Variants in MGA observed in about 807,000 individuals in gnomAD.
The protein encoded by MGA is MAX dimerization protein MGA.
Under a neutral mutation model 261.1 loss-of-function variants are expected in MGA, and 40 were observed. The observed-to-expected ratio is 0.15, with a 90% CI of 0.12 to 0.20. The LOEUF (loss-of-function observed/expected upper bound fraction) is 0.20. MGA is among the 10% of genes least tolerant of loss of function. The pLI, the probability that MGA is intolerant of heterozygous loss-of-function variation, is 1.00. For synonymous variants in MGA, 1,302 were observed against 1,290.6 expected, an observed-to-expected ratio of 1.01 and a Z score of -0.19; for missense variants, 3,397 against 3,630.5, an observed-to-expected ratio of 0.94 and a Z score of 1.65.
chr15:41,625,692 C>T (rs921834931), intron 1 of MGA, among the ~76,000 whole-genome samples: 12 of 151,408 alleles, frequency 7.9e-5, no homozygotes, highest in African/African-American at 2.7e-4. Context: ...CCAGCCTGGG[C>T]GACAGAGTGT....
chr15:41,621,909 C>T (rs886771744), intron 1 of MGA, among the ~76,000 whole-genome samples: 1 of 152,126 alleles, frequency 6.6e-6, no homozygotes, highest in Non-Finnish European at 1.5e-5. Flanking sequence ...CGTCCTGCTC[C>T]GCGGTGAGCA....
At chr15:41,622,216 C>G (rs558385605) in intron 1 of MGA, among the ~76,000 whole-genome samples, 2 of 152,142 alleles carry the variant, frequency 1.3e-5, no homozygotes, top group Non-Finnish European at 2.9e-5. Context: ...ATTCGGAGGC[C>G]TGGGGTCCAG....
intron 1 of MGA, among the ~76,000 whole-genome samples, chr15:41,667,492 C>A (rs1053002423): frequency 9.9e-5 from 15 of 151,986 alleles, no homozygotes; most frequent in African/African-American, 3.1e-4. Flanking sequence ...GTGATCTGAC[C>A]TCCTTGGCCT....
At chr15:41,760,266 G>A (rs2063377919) in intron 19 of MGA, 57 bp from the exon 20 acceptor site, 1 of 1,546,464 alleles carries the variant, frequency 6.5e-7, no homozygotes, top group African/African-American at 1.4e-5. Flanking sequence ...ATTTGAAACA[G>A]AGTAAGAGGG....
intron 1 of MGA, among the ~76,000 whole-genome samples, chr15:41,668,510 A>T (rs2057884823): frequency 6.6e-6 from 1 of 152,036 alleles, no homozygotes; most frequent in African/African-American, 2.4e-5. Context: ...TAACTTTTTA[A>T]TTTTGTATAC....
At chr15:41,633,465 C>G (rs1404283626) in intron 1 of MGA, among the ~76,000 whole-genome samples, 1 of 151,508 alleles carries the variant, frequency 6.6e-6, no homozygotes, top group Non-Finnish European at 1.5e-5. Flanking sequence ...GTGATCCTCC[C>G]ACCTCTGCCT....
chr15:41,762,465 T>TGG, intron 22 of MGA, 103 bp downstream of exon 22: 1 of 286,756 alleles, frequency 3.5e-6, no homozygotes, highest in Non-Finnish European at 5.7e-6. Flanking sequence ...TGTGTGGTTT[T>TGG]TTTTTTTTTT....
rs370063387 is a variant in MGA, at chr15:41,729,274, C to T, written c.3768C>T (p.Ser1256=). The T allele has an allele frequency of 1.9e-6, 3 of 1,613,646 alleles. No homozygotes were observed. Among genetic ancestry groups the T allele is most frequent in the African/African-American group, 1.3e-5 (1 of 74,884 alleles). The change falls in exon 11 of 24, where the codon TCC becomes TCT. Residue 1256 remains serine, a synonymous_variant. Coordinates refer to ENST00000219905, the MANE Select transcript of MGA (RefSeq NM_001164273.2). ...AAGAGGACCAGAGACAACCATCTTC[C>T]TCCTCCTCCCCATCTCCATCATTTC...
rs535417050 is a variant in MGA, at chr15:41,650,561, C to T, written c.-67-18267C>T. 2.0e-5 allele frequency among the ~76,000 whole-genome samples: 3 copies of T among 152,226 alleles called. No individual in the cohort carries two copies. The South Asian group carries it at 6.2e-4, about 32-fold the overall frequency. ...CAAGCAATTCATCTGTCTCAGCCTC[C>T]CGAGTAAATGGAATTACAGGCGTGC... On this transcript the variant is annotated intron_variant, in intron 1 of 8. Transcript: ENST00000566718.
At chr15:41,716,941 G>GA (rs1159644302) in intron 9 of MGA, among the ~76,000 whole-genome samples, 1 of 151,784 alleles carries the variant, frequency 6.6e-6, no homozygotes, top group African/African-American at 2.4e-5. Flanking sequence ...ATCCATTGCT[G>GA]AAAAAAAGAT....
chr15:41,709,685 C>T (rs2060290868), intron 7 of MGA, among the ~76,000 whole-genome samples: 1 of 152,076 alleles, frequency 6.6e-6, no homozygotes, highest in South Asian at 2.1e-4. Context: ...ATCCACCTGC[C>T]TTGGCCTCAC....
chr15:41,742,454 C>CA, intron 14 of MGA, 92 bp from the exon 15 acceptor site: 1 of 1,431,670 alleles, frequency 7.0e-7, no homozygotes, highest in Non-Finnish European at 9.4e-7. Flanking sequence ...GAAATTGACC[C>CA]AGTAGTGCAC....
intron 2 of MGA, among the ~76,000 whole-genome samples, chr15:41,693,940 C>G (rs1324857909): frequency 1.3e-5 from 2 of 151,886 alleles, no homozygotes; most frequent in African/African-American, 4.8e-5. Context: ...TGTGATTTTG[C>G]CCCTCAAATC....
At chr15:41,624,835 A>C (rs1395810071) in intron 1 of MGA, among the ~76,000 whole-genome samples, 1 of 152,170 alleles carries the variant, frequency 6.6e-6, no homozygotes, top group Non-Finnish European at 1.5e-5. Context: ...CTGGGAAAAC[A>C]GTTTTCCAGT....
chr15:41,732,853 G>C (rs1048959852), intron 11 of MGA, among the ~76,000 whole-genome samples: 6 of 152,202 alleles, frequency 3.9e-5, no homozygotes, highest in Non-Finnish European at 7.3e-5. Flanking sequence ...TCAAAGGCTG[G>C]TGTCTGATCC....
chr15:41,645,594 T>C (rs1414216256), intron 1 of MGA, among the ~76,000 whole-genome samples: 1 of 151,916 alleles, frequency 6.6e-6, no homozygotes, highest in Non-Finnish European at 1.5e-5. Context: ...AAAAAAAAAA[T>C]TGTTGGATTC....
At position 41,696,298 on chromosome 15, in the gene MGA, C is replaced by T. The variant is rs1301484967; in HGVS notation, c.1288C>T (p.His430Tyr). ...TATACTAGAGAAACAGCTAAAGAGG[C>T]ACAATAAAGTTGACAACCCAGAAGC... Residue 430 changes from histidine (H) to tyrosine (Y), a missense_variant, in exon 3 of 24, where the codon CAC becomes TAC. Physicochemically the swap from His to Tyr is moderately conservative, Grantham distance 83. Transcript: ENST00000219905. The T allele has an allele frequency of 1.2e-6, 2 of 1,613,752 alleles. No individual in the cohort carries two copies. The highest frequency in any genetic ancestry group is 1.7e-5 in the Admixed American group (1 of 59,990).
intron 22 of MGA, among the ~76,000 whole-genome samples, chr15:41,762,641 A>T (rs947452791): frequency 1.3e-5 from 2 of 151,066 alleles, no homozygotes; most frequent in African/African-American, 4.9e-5. Context: ...TTGTTTTTTT[A>T]ATTTTTTAGT....
chr15:41,622,107 G>A (rs16971915), intron 1 of MGA, among the ~76,000 whole-genome samples: 23,452 of 151,928 alleles, frequency 0.15, 2,609 homozygotes, highest in East Asian at 0.67. Flanking sequence ...CAGCGTCTTT[G>A]CTGCGGTCGG....
Sources: allele counts gnomAD v4.1 joint callset (sites outside exome capture counted in the v4.1 genomes callset), GRCh38; gene constraint gnomAD v4.1.1; transcripts MANE v1.5; gene names NCBI Gene and HGNC (gene_info 2026-07-23, HGNC 2026-07-21).